The following QKI variants were observed in gnomAD, a reference collection of about 807,000 sequenced individuals.
QKI encodes the protein QKI, KH domain containing RNA binding.
Under a neutral mutation model 39.0 loss-of-function variants are expected in QKI, and 10 were observed. The observed-to-expected ratio is 0.26, with a 90% CI of 0.16 to 0.43. QKI has a LOEUF of 0.43. QKI is among the 20% of genes least tolerant of loss of function. The pLI is 1.00. For missense variants in QKI, 218 were observed against 428.0 expected, an observed-to-expected ratio of 0.51 and a Z score of 4.33; for synonymous variants, 204 against 155.4, an observed-to-expected ratio of 1.31 and a Z score of -2.33.
intron 2 of QKI, chr6:163,457,464 C>A: frequency 2.2e-6 from 1 of 455,976 alleles, no homozygotes; most frequent in South Asian, 1.5e-5. Context: ...ATTCTCAAAA[C>A]ACAGTCCTTG....
intron 2 of QKI, among the ~76,000 whole-genome samples, chr6:163,467,441 T>TA (rs1391372166): frequency 6.6e-6 from 1 of 152,202 alleles, no homozygotes; most frequent in African/African-American, 2.4e-5. Context: ...AAGTCAGTAA[T>TA]AAAAAACAAA....
chr6:163,472,143 CCTTACCGA>C (rs1792247105), intron 2 of QKI, among the ~76,000 whole-genome samples: 1 of 152,046 alleles, frequency 6.6e-6, no homozygotes, highest in Non-Finnish European at 1.5e-5. Flanking sequence ...CGACTGGAAG[CCTTACCGA>C]TAACATAAAC....
intron 4 of QKI, among the ~76,000 whole-genome samples, chr6:163,552,206 C>CTTTTTTTTT (rs35060699): frequency 5.9e-5 from 6 of 101,786 alleles, no homozygotes; most frequent in Non-Finnish European, 7.4e-5. Context: ...TTCGTTCGTT[C>CTTTTTTTTT]TTTTTTTTTT....
At chr6:163,478,333 A>G (rs1485168733) in intron 2 of QKI, among the ~76,000 whole-genome samples, 1 of 152,234 alleles carries the variant, frequency 6.6e-6, no homozygotes, top group Non-Finnish European at 1.5e-5. Context: ...AATTTTTCTT[A>G]GGTAAATAAA....
rs754479224 is a variant in QKI, at chr6:163,564,921, T to C, written c.934+1202T>C. ...TTTTTTCCCCAGCATTAATATTGAT[T>C]TATAAAGATTTGAAAATCTTTAATG... On this transcript the variant is annotated intron_variant, in intron 6 of 7. Transcript: ENST00000361752. The C allele has an allele frequency of 3.7e-6, 5 of 1,351,212 alleles. No homozygotes were observed. The South Asian group carries it at 8.3e-5, about 22-fold the overall frequency. The allele number at this position is 1,351,212 out of a possible 1,614,324, so 83.7% of individuals were successfully genotyped here.
At chr6:163,509,481 G>GA (rs1779303790) in intron 3 of QKI, among the ~76,000 whole-genome samples, 1 of 151,174 alleles carries the variant, frequency 6.6e-6, no homozygotes, top group African/African-American at 2.4e-5. Flanking sequence ...TTAATAAAGG[G>GA]GGGGGGGAAT....
At chr6:163,490,819 C>G (rs1254763323) in intron 3 of QKI, among the ~76,000 whole-genome samples, 3 of 152,108 alleles carry the variant, frequency 2.0e-5, no homozygotes, top group Non-Finnish European at 4.4e-5. Flanking sequence ...AGGCAGAAGA[C>G]AAATGATCAA....
chr6:163,501,097 T>C (rs936204484), intron 3 of QKI, among the ~76,000 whole-genome samples: 4 of 152,158 alleles, frequency 2.6e-5, no homozygotes, highest in African/African-American at 9.7e-5. Flanking sequence ...ATACAATGAC[T>C]TTTAAATTAT....
chr6:163,519,374 A>AGGG (rs1168278719), intron 3 of QKI, among the ~76,000 whole-genome samples: 1 of 152,098 alleles, frequency 6.6e-6, no homozygotes, highest in African/African-American at 2.4e-5. Context: ...GCTTGACAAA[A>AGGG]GGGGACCTCA....
At chr6:163,450,703 C>T (rs1202609240) in intron 1 of QKI, among the ~76,000 whole-genome samples, 2 of 151,006 alleles carry the variant, frequency 1.3e-5, no homozygotes, top group Non-Finnish European at 1.5e-5. Context: ...GTTTTCAGGC[C>T]TAAACAAAAA....
At chr6:163,547,597 A>G (rs1023090538) in intron 4 of QKI, among the ~76,000 whole-genome samples, 1 of 152,172 alleles carries the variant, frequency 6.6e-6, no homozygotes, top group African/African-American at 2.4e-5. Flanking sequence ...AACTAAAATC[A>G]CATTCTTCCT....
At chr6:163,454,029 T>G (rs576103905) in intron 1 of QKI, among the ~76,000 whole-genome samples, 1 of 152,154 alleles carries the variant, frequency 6.6e-6, no homozygotes, top group Non-Finnish European at 1.5e-5. Context: ...TAAATTGAAC[T>G]TCCCCATGTT....
intron 1 of QKI, among the ~76,000 whole-genome samples, chr6:163,433,779 A>G (rs971752831): frequency 3.0e-4 from 46 of 152,238 alleles, no homozygotes; most frequent in Non-Finnish European, 1.5e-4. Context: ...AAAAAAAAAG[A>G]ATGAACCACG....
intron 1 of QKI, among the ~76,000 whole-genome samples, chr6:163,420,050 A>G (rs1787860530): frequency 6.6e-6 from 1 of 152,070 alleles, no homozygotes; most frequent in Non-Finnish European, 1.5e-5. Flanking sequence ...GAAGTGAAGT[A>G]TAATAAAACC....
intron 6 of QKI, 147 bp downstream of exon 6, chr6:163,563,866 CCT>C: frequency 6.9e-7 from 1 of 1,441,912 alleles, no homozygotes; most frequent in Non-Finnish European, 9.1e-7. Flanking sequence ...TTTATTTCAG[CCT>C]CTCATAAGGG....
At chr6:163,495,456 A>G (rs1778348894) in intron 3 of QKI, among the ~76,000 whole-genome samples, 1 of 152,180 alleles carries the variant, frequency 6.6e-6, no homozygotes, top group Non-Finnish European at 1.5e-5. Context: ...TTGCTGAATC[A>G]TTTGAGAGCA....
intron 1 of QKI, among the ~76,000 whole-genome samples, chr6:163,424,759 G>A (rs1047310607): frequency 6.6e-6 from 1 of 151,484 alleles, no homozygotes; most frequent in Non-Finnish European, 1.5e-5. Context: ...AGCCTCCCGA[G>A]TAGCTGGGAT....
intron 4 of QKI, among the ~76,000 whole-genome samples, chr6:163,552,445 C>T (rs1233046930): frequency 6.6e-6 from 1 of 152,108 alleles, no homozygotes; most frequent in Non-Finnish European, 1.5e-5. Context: ...CTCCTGACCT[C>T]ATGATCTACC....
At chr6:163,428,796 A>G (rs2128210197) in intron 1 of QKI, among the ~76,000 whole-genome samples, 1 of 150,790 alleles carries the variant, frequency 6.6e-6, no homozygotes, top group Non-Finnish European at 1.5e-5. Flanking sequence ...TCTTGCCTTC[A>G]GTGACTTGAA....
Sources: allele counts gnomAD v4.1 joint callset (sites outside exome capture counted in the v4.1 genomes callset), GRCh38; gene constraint gnomAD v4.1.1; transcripts MANE v1.5; gene names NCBI Gene and HGNC (gene_info 2026-07-23, HGNC 2026-07-21).